The following THRB variants were observed in gnomAD, a reference collection of about 807,000 sequenced individuals.
The protein encoded by THRB is nuclear receptor subfamily 1 group A member 2.
Under a neutral mutation model 47.8 loss-of-function variants are expected in THRB, and 12 were observed. That is an observed-to-expected ratio of 0.25 (90% CI 0.16 to 0.41). THRB has a LOEUF of 0.41. Among genes scored for constraint, THRB ranks in the 10% least tolerant of loss-of-function variants. THRB has a pLI of 1.00. For missense variants in THRB, 348 were observed against 589.2 expected, an observed-to-expected ratio of 0.59 and a Z score of 4.24; for synonymous variants, 218 against 212.2, an observed-to-expected ratio of 1.03 and a Z score of -0.24.
intron 4 of THRB, among the ~76,000 whole-genome samples, chr3:24,223,846 G>C (rs968930536): frequency 2.0e-5 from 3 of 151,960 alleles, no homozygotes; most frequent in African/African-American, 7.2e-5. Context: ...TAAACAAACA[G>C]GTTAAGTTAT....
intron 2 of THRB, among the ~76,000 whole-genome samples, chr3:24,307,932 G>A (rs62255361): frequency 0.38 from 57,652 of 151,908 alleles, 11,101 homozygotes; most frequent in East Asian, 0.48. Flanking sequence ...AAGACTATGA[G>A]TCTATATGGG....
rs760480146 is a variant in THRB, at chr3:24,299,776, TATTTATTTATTTA to T, written c.-188-2418_-188-2406del. Among the ~76,000 whole-genome samples the T allele has an allele frequency of 5.8e-4, 52 of 90,260 alleles. 7 individuals carry two copies. The highest frequency in any genetic ancestry group is 1.3e-3 in the African/African-American group (29 of 22,056). 59.2% of individuals were successfully genotyped at this position (90,260 alleles called of 152,430 possible). A position where few individuals can be genotyped will look rare whatever the true frequency, so the allele number is the denominator to read the frequency against. On this transcript the variant is annotated intron_variant, in intron 2 of 10. Coordinates refer to ENST00000646209, the MANE Select transcript of THRB (RefSeq NM_001354712.2). ...TTCTGGGGAAGTATGCTTTTTTATTTATTTATTTATTTATTTTTTTTTTTTTAGCAAACATACC... is the reference window on the plus strand; with the variant it reads ...TTCTGGGGAAGTATGCTTTTTTATTTTTTTTTTTTTTTTAGCAAACATACC...
intron 1 of THRB, among the ~76,000 whole-genome samples, chr3:24,437,614 AT>A (rs2125357866): frequency 6.6e-6 from 1 of 152,270 alleles, no homozygotes; most frequent in South Asian, 2.1e-4. Flanking sequence ...GTACACACGT[AT>A]CAAAAGACCA....
intron 3 of THRB, among the ~76,000 whole-genome samples, chr3:24,240,160 C>G (rs1333078598): frequency 6.6e-6 from 1 of 152,142 alleles, no homozygotes; most frequent in Admixed American, 6.5e-5. Flanking sequence ...ACCCCTCACT[C>G]TTTGTGAGAC....
intron 1 of THRB, among the ~76,000 whole-genome samples, chr3:24,490,754 T>G (rs188481942): frequency 1.1e-4 from 16 of 152,114 alleles, no homozygotes; most frequent in African/African-American, 3.6e-4. Flanking sequence ...TTTGGGAAAA[T>G]TAGCTTACAG....
intron 4 of THRB, among the ~76,000 whole-genome samples, chr3:24,222,680 C>A (rs914618138): frequency 6.6e-6 from 1 of 152,132 alleles, no homozygotes; most frequent in Non-Finnish European, 1.5e-5. Context: ...TCCTTTCTAG[C>A]CTACTTGCAG....
chr3:24,440,421 C>G (rs1362687089), intron 1 of THRB, among the ~76,000 whole-genome samples: 1 of 152,178 alleles, frequency 6.6e-6, no homozygotes, highest in Non-Finnish European at 1.5e-5. Flanking sequence ...TTCTAGCATG[C>G]ACACAGTTTG....
At chr3:24,175,181 G>A (rs900914302) in intron 5 of THRB, among the ~76,000 whole-genome samples, 8 of 152,182 alleles carry the variant, frequency 5.3e-5, no homozygotes, top group African/African-American at 1.9e-4. Flanking sequence ...TATATAGTCT[G>A]ATTTCAGCCT....
chr3:24,206,859 A>G (rs1195483011), intron 4 of THRB, among the ~76,000 whole-genome samples: 1 of 152,238 alleles, frequency 6.6e-6, no homozygotes. Flanking sequence ...ATCAGAGAAT[A>G]CTATAAAAAC....
At chr3:24,329,656 G>T (rs1023985905) in intron 2 of THRB, among the ~76,000 whole-genome samples, 1 of 152,226 alleles carries the variant, frequency 6.6e-6, no homozygotes, top group Admixed American at 6.5e-5. Flanking sequence ...ACCACAGACA[G>T]ATCATCTTTA....
At chr3:24,161,953 TAGA>T (rs2038913864) in intron 5 of THRB, among the ~76,000 whole-genome samples, 1 of 151,640 alleles carries the variant, frequency 6.6e-6, no homozygotes, top group Non-Finnish European at 1.5e-5. Flanking sequence ...AGATGGCATG[TAGA>T]AGGTCAAGCA....
At chr3:24,136,078 G>A (rs1203725143) in intron 8 of THRB, among the ~76,000 whole-genome samples, 1 of 151,564 alleles carries the variant, frequency 6.6e-6, no homozygotes, top group African/African-American at 2.4e-5. Flanking sequence ...TCAATTTGTG[G>A]GTGTGTAGAT....
intron 3 of THRB, among the ~76,000 whole-genome samples, chr3:24,280,749 G>A (rs1202267133): frequency 1.3e-5 from 2 of 151,872 alleles, no homozygotes; most frequent in African/African-American, 4.8e-5. Flanking sequence ...TAAAGGAGCT[G>A]ATGGAGCTGA....
intron 4 of THRB, among the ~76,000 whole-genome samples, chr3:24,204,238 C>T (rs552276988): frequency 6.6e-6 from 1 of 152,384 alleles, no homozygotes; most frequent in South Asian, 2.1e-4. Flanking sequence ...AGTAGCCTTA[C>T]TGCGAGGCAC....
upstream of THRB, chr3:24,495,201 A>C (rs1489835431): frequency 6.6e-6 from 1 of 152,318 alleles, no homozygotes; most frequent in Non-Finnish European, 1.5e-5. Context: ...TCCAGCCCTC[A>C]CGGCTGTCCG....
chr3:24,256,633 T>TGTACAAGAAGGGA lies in THRB; in HGVS notation c.-42-27633_-42-27632insTCCCTTCTTGTAC, dbSNP rs1023545938. Among the ~76,000 whole-genome samples the TGTACAAGAAGGGA allele has an allele frequency of 1.5e-4, 23 of 152,262 alleles. No homozygotes were observed. In the East Asian group the frequency reaches 4.4e-3, roughly 29 times the overall value. On this transcript the variant is annotated intron_variant, in intron 3 of 10. Transcript: ENST00000646209. ...AGGAGAGAGATACGTGTCTCAAGTA[T>TGTACAAGAAGGGA]GTACAAGAAGGGTGGACACCTCTAC...
chr3:24,143,224 GTCTT>G (rs2035667193), intron 8 of THRB, among the ~76,000 whole-genome samples: 1 of 152,202 alleles, frequency 6.6e-6, no homozygotes. Flanking sequence ...TCTGGGAGTG[GTCTT>G]TCTAACAGTA....
At chr3:24,485,410 C>T (rs1397294617) in intron 1 of THRB, among the ~76,000 whole-genome samples, 1 of 152,180 alleles carries the variant, frequency 6.6e-6, no homozygotes, top group African/African-American at 2.4e-5. Context: ...TTCCCAAAGA[C>T]ATCACAGCAA....
intron 8 of THRB, 64 bp from the exon 9 acceptor site, chr3:24,133,526 T>C (rs1307540526): frequency 1.4e-6 from 2 of 1,478,412 alleles, no homozygotes; most frequent in African/African-American, 1.4e-5. Context: ...TTATCATAGT[T>C]CTTATGTGGC....
Sources: gnomAD v4.1 joint callset for allele counts (sites outside exome capture counted in the v4.1 genomes callset) on GRCh38, gnomAD v4.1.1 for gene constraint, MANE v1.5 for transcripts, NCBI Gene and HGNC (gene_info 2026-07-23, HGNC 2026-07-21) for gene names.